The following ZNF519 variants were observed in gnomAD, a reference collection of about 807,000 sequenced individuals.
ZNF519 encodes the protein zinc finger protein 519, also known as similar to Zinc finger protein 85 (Zinc finger protein HPF4) (HTF1).
A neutral mutation model predicts 7.4 loss-of-function variants in ZNF519; 7 were observed. That is an observed-to-expected ratio of 0.94 (90% CI 0.54 to 1.77). The LOEUF (loss-of-function observed/expected upper bound fraction) is 1.77. ZNF519 is among the 40% of genes most tolerant of loss of function. The probability of loss-of-function intolerance (pLI) is 0.00; values close to 1 mark genes in which losing one functional copy is unlikely to be tolerated. For synonymous variants in ZNF519, 179 were observed against 203.3 expected (o/e 0.88, Z 1.02); for missense variants, 586 against 623.1 (o/e 0.94, Z 0.63).
At chr18:14,088,603 C>T (rs1226053749) in intron 2 of ZNF519, among the ~76,000 whole-genome samples, 1 of 152,096 alleles carries the variant, frequency 6.6e-6, no homozygotes, top group Non-Finnish European at 1.5e-5. Context: ...GCATATCCAT[C>T]CCTTATCAAA....
downstream of ZNF519, among the ~76,000 whole-genome samples, chr18:14,098,493 A>AT (rs1301110499): frequency 6.6e-6 from 1 of 151,902 alleles, no homozygotes; most frequent in African/African-American, 2.4e-5. Flanking sequence ...TATTCCCATC[A>AT]TTAACTGCAC....
chr18:14,091,326 T>C (rs1235641969), intron 2 of ZNF519, among the ~76,000 whole-genome samples: 1 of 152,204 alleles, frequency 6.6e-6, no homozygotes, highest in African/African-American at 2.4e-5. Context: ...CCATTTCCTG[T>C]CAAAATCACC....
rs894792539 is a variant in ZNF519, at chr18:14,104,685, T to C, written c.*232A>G. 5.1e-6 allele frequency: 2 copies of C among 394,780 alleles called. No individual in the cohort carries two copies. The highest frequency in any genetic ancestry group is 4.0e-5 in the Admixed American group (1 of 25,122). The allele number at this position is 394,780 out of a possible 1,614,324, so 24.5% of individuals were successfully genotyped here. On this transcript the variant is annotated 3_prime_UTR_variant, in exon 3 of 3. Transcript: ENST00000590202. ...TTAAACATACAATTTAATTATCTAATTGAGTTTGAATTATTTGTTATAATA... is the reference window on the plus strand; with the variant it reads ...TTAAACATACAATTTAATTATCTAACTGAGTTTGAATTATTTGTTATAATA...
chr18:14,092,678 C>T (rs1305919930), intron 2 of ZNF519, among the ~76,000 whole-genome samples: 2 of 152,150 alleles, frequency 1.3e-5, no homozygotes, highest in African/African-American at 4.8e-5. Context: ...AAATCAGCCT[C>T]CAGTATTTAC....
chr18:14,127,892 G>A (rs1161712697), intron 1 of ZNF519, among the ~76,000 whole-genome samples: 1 of 151,842 alleles, frequency 6.6e-6, no homozygotes, highest in Non-Finnish European at 1.5e-5. Context: ...GAGAAAGAAA[G>A]TTCCCTCTAA....
chr18:14,078,785 T>TA (rs148481752), intron 3 of ZNF519, among the ~76,000 whole-genome samples: 29,102 of 151,992 alleles, frequency 0.19, 3,429 homozygotes, highest in South Asian at 0.29. Flanking sequence ...ATCAAATTAA[T>TA]AAAAAAAATC....
chr18:14,080,446 T>C (rs993880579), intron 3 of ZNF519, among the ~76,000 whole-genome samples: 3 of 148,950 alleles, frequency 2.0e-5, no homozygotes, highest in Non-Finnish European at 4.4e-5. Context: ...CTCAGCCTCC[T>C]GAGTAGCTGG....
chr18:14,088,219 T>C (rs1303509108), intron 2 of ZNF519, among the ~76,000 whole-genome samples: 1 of 152,194 alleles, frequency 6.6e-6, no homozygotes, highest in African/African-American at 2.4e-5. Context: ...ATCAAGACAT[T>C]TGAATCTTTT....
chr18:14,121,323 C>T (rs1019948462), intron 2 of ZNF519, among the ~76,000 whole-genome samples: 1 of 151,488 alleles, frequency 6.6e-6, no homozygotes, highest in Non-Finnish European at 1.5e-5. Context: ...AAATTTGCCA[C>T]AACAGTAGAC....
In ZNF519 at chr18:14,100,047, A is replaced by C. The variant is rs2046152851; in HGVS notation, c.*4870T>G. Reference sequence around the variant, plus strand: ...AAACAAATACAATTAGAAAACATGCAGACATGAATAAACATTTCATCAGAG... The same window carrying C: ...AAACAAATACAATTAGAAAACATGCCGACATGAATAAACATTTCATCAGAG... On this transcript the variant is annotated 3_prime_UTR_variant, in exon 3 of 3. Transcript: ENST00000590202. The C allele has an allele frequency of 6.6e-6, 1 of 152,224 alleles. No homozygotes were observed. The highest frequency in any genetic ancestry group is 1.5e-5 in the Non-Finnish European group (1 of 68,038). 9.4% of individuals were successfully genotyped at this position (152,224 alleles called of 1,614,324 possible).
downstream of ZNF519, among the ~76,000 whole-genome samples, chr18:14,097,210 A>T (rs2046140444): frequency 6.6e-6 from 1 of 152,202 alleles, no homozygotes; most frequent in African/African-American, 2.4e-5. Flanking sequence ...TCCTCAATTT[A>T]TGGCTTCATC....
downstream of ZNF519, chr18:14,099,872 A>G (rs1176334499): frequency 6.6e-6 from 1 of 152,216 alleles, no homozygotes; most frequent in African/African-American, 2.4e-5. Context: ...AACTGTTATT[A>G]TTCTAATTAT....
Position 14,132,430 on chromosome 18 carries a change from G to C in ZNF519, c.-153C>G. On this transcript the variant is annotated 5_prime_UTR_variant, in exon 1 of 3. Coordinates refer to ENST00000590202, the MANE Select transcript of ZNF519 (RefSeq NM_145287.4). ...CCTAACCCCGCGCTCTGGCTGAAGT[G>C]AGACAAAGGCCGCGCCAGATTCCGG... 1.1e-6 allele frequency: 1 copy of C among 919,518 alleles called. No individual in the cohort carries two copies. Among genetic ancestry groups the C allele is most frequent in the Non-Finnish European group, 1.7e-6 (1 of 591,204 alleles). 57.0% of individuals were successfully genotyped at this position (919,518 alleles called of 1,614,324 possible).
Position 14,106,419 on chromosome 18 carries a change from G to A in ZNF519, c.131-10C>T, listed in dbSNP as rs751629715. 29 of 1,546,284 alleles carry A rather than the reference G, an allele frequency of 1.9e-5. No homozygotes were observed. The Admixed American group carries it at 6.2e-4, about 33-fold the overall frequency. On this transcript the variant is annotated splice_polypyrimidine_tract_variant and intron_variant, in intron 2 of 2. Coordinates refer to ENST00000590202, the MANE Select transcript of ZNF519 (RefSeq NM_145287.4). ...TAATAAGAATACACAGCTGAAAGAA[G>A]TAAAAATAACTAATTATTCTACATA...
Position 14,100,433 on chromosome 18 carries a change from G to C in ZNF519, c.*4484C>G, listed in dbSNP as rs1316331168. On this transcript the variant is annotated 3_prime_UTR_variant, in exon 3 of 3. Transcript: ENST00000590202. ...GAAAACAACAAATATGTTCTTGAAA[G>C]AGTGAAGGGTTACACACAGTATTTC... The C allele has an allele frequency of 3.3e-5, 5 of 152,156 alleles. No individual in the cohort carries two copies. The highest frequency in any genetic ancestry group is 6.5e-5 in the Admixed American group (1 of 15,276). 9.4% of individuals were successfully genotyped at this position (152,156 alleles called of 1,614,324 possible). A position where few individuals can be genotyped will look rare whatever the true frequency, so the allele number is the denominator to read the frequency against.
At chr18:14,093,574 T>A (rs1399200706) in intron 2 of ZNF519, among the ~76,000 whole-genome samples, 1 of 152,150 alleles carries the variant, frequency 6.6e-6, no homozygotes, top group African/African-American at 2.4e-5. Flanking sequence ...TTAAACAAAT[T>A]AAGAGTTTAA....
chr18:14,122,821 G>A (rs2046276334), intron 2 of ZNF519, among the ~76,000 whole-genome samples: 1 of 151,182 alleles, frequency 6.6e-6, no homozygotes, highest in African/African-American at 2.4e-5. Context: ...GGGTGCATGT[G>A]CACAACATGC....
downstream of ZNF519, chr18:14,074,788 A>G (rs1400904911): frequency 1.3e-5 from 2 of 152,258 alleles, no homozygotes; most frequent in Non-Finnish European, 2.9e-5. Flanking sequence ...CTTTTGAGCC[A>G]TCTCAAGTAT....
chr18:14,117,500 A>G (rs769563215), intron 2 of ZNF519, among the ~76,000 whole-genome samples: 2 of 152,242 alleles, frequency 1.3e-5, no homozygotes, highest in Non-Finnish European at 2.9e-5. Flanking sequence ...TGGGCATCTA[A>G]TCAAAATATG....
Sources: gnomAD v4.1 joint callset for allele counts (sites outside exome capture counted in the v4.1 genomes callset) on GRCh38, gnomAD v4.1.1 for gene constraint, MANE v1.5 for transcripts, NCBI Gene and HGNC (gene_info 2026-07-23, HGNC 2026-07-21) for gene names.